The following RGS5 variants were observed in gnomAD, a reference collection of about 807,000 sequenced individuals.
The protein encoded by RGS5 is regulator of G protein signaling 5, also known as regulator of G-protein signalling 5.
In RGS5, 20 loss-of-function variants were observed where a neutral mutation model predicts 18.9. That is an observed-to-expected ratio of 1.06 (90% CI 0.74 to 1.54). The LOEUF (loss-of-function observed/expected upper bound fraction) is 1.54. RGS5 is among the 40% of genes most tolerant of loss of function. The pLI is 0.00. For missense variants in RGS5, 201 were observed against 211.8 expected (o/e 0.95, Z 0.32); for synonymous variants, 57 against 76.2 (o/e 0.75, Z 1.31).
chr1:163,162,504 TC>T (rs1657846836), intron 2 of RGS5, among the ~76,000 whole-genome samples: 1 of 151,768 alleles, frequency 6.6e-6, no homozygotes, highest in African/African-American at 2.4e-5. Context: ...GGGATTGTGA[TC>T]ATAGCAAATT....
chr1:163,299,552 A>C (rs536464078), intron 2 of RGS5, among the ~76,000 whole-genome samples: 1 of 152,322 alleles, frequency 6.6e-6, no homozygotes, highest in East Asian at 1.9e-4. Flanking sequence ...ATGTCAACAC[A>C]GGGTTATTAT....
At chr1:163,206,139 G>A (rs566936140), upstream of RGS5, among the ~76,000 whole-genome samples, 2 of 152,134 alleles carry the variant, frequency 1.3e-5, no homozygotes, top group African/African-American at 4.8e-5. Flanking sequence ...TTGCTTCCCT[G>A]CCTTTTTTTA....
chr1:163,272,244 G>A (rs181064024), intron 2 of RGS5, among the ~76,000 whole-genome samples: 34 of 151,716 alleles, frequency 2.2e-4, no homozygotes, highest in Non-Finnish European at 4.3e-4. Context: ...CCTACCTTTT[G>A]CCTATGTTTT....
chr1:163,298,509 T>C (rs1156527761), intron 2 of RGS5, among the ~76,000 whole-genome samples: 1 of 152,006 alleles, frequency 6.6e-6, no homozygotes, highest in Non-Finnish European at 1.5e-5. Flanking sequence ...TCGGGGGTGG[T>C]GTCTATACAA....
chr1:163,164,395 T>G (rs12069605), intron 2 of RGS5, among the ~76,000 whole-genome samples: 29,656 of 152,042 alleles, frequency 0.2, 4,558 homozygotes, highest in African/African-American at 0.43. Context: ...TAGAGATGAT[T>G]AACCACATGT....
chr1:163,275,149 A>C (rs917529381), intron 2 of RGS5, among the ~76,000 whole-genome samples: 71 of 152,070 alleles, frequency 4.7e-4, no homozygotes, highest in African/African-American at 1.6e-3. Flanking sequence ...GGCTGTTCTC[A>C]AGTCTTCTCT....
chr1:163,245,849 ATCT>A (rs1389653116), intron 2 of RGS5, among the ~76,000 whole-genome samples: 1 of 152,224 alleles, frequency 6.6e-6, no homozygotes, highest in East Asian at 1.9e-4. Flanking sequence ...AGGTATAATA[ATCT>A]TCTTCAGATA....
At chr1:163,284,995 T>C (rs12096677) in intron 2 of RGS5, among the ~76,000 whole-genome samples, 78,875 of 151,778 alleles carry the variant, frequency 0.52, 20,869 homozygotes, top group African/African-American at 0.59. Context: ...TGGTAGCAGG[T>C]AAGAAAGAAT....
At chr1:163,241,098 A>T (rs1647780835) in intron 2 of RGS5, among the ~76,000 whole-genome samples, 1 of 152,134 alleles carries the variant, frequency 6.6e-6, no homozygotes, top group Non-Finnish European at 1.5e-5. Context: ...CTCTCTCTGA[A>T]ATTCTGTTAT....
chr1:163,276,378 G>T (rs1042041704), intron 2 of RGS5, among the ~76,000 whole-genome samples: 5 of 152,102 alleles, frequency 3.3e-5, no homozygotes, highest in Non-Finnish European at 7.3e-5. Flanking sequence ...AGAGGATAAA[G>T]ATACTCATGA....
intron 1 of RGS5, among the ~76,000 whole-genome samples, chr1:163,208,518 TA>T (rs55700806): frequency 0.016 from 232 of 14,432 alleles, 2 homozygotes; most frequent in African/African-American, 0.06. Flanking sequence ...CCACCTCCAT[TA>T]AAAAAAAAAA....
chr1:163,221,219 CG>C (rs1647221283), upstream of RGS5, among the ~76,000 whole-genome samples: 1 of 152,036 alleles, frequency 6.6e-6, no homozygotes, highest in South Asian at 2.1e-4. Context: ...CTGTAGAGAC[CG>C]GGCGCGGTGG....
chr1:163,195,817 T>C (rs184250606), intron 1 of RGS5, among the ~76,000 whole-genome samples: 3 of 152,194 alleles, frequency 2.0e-5, no homozygotes, highest in East Asian at 1.9e-4. Context: ...AAAATAATTG[T>C]TTAATAGGGG....
At position 163,190,292 on chromosome 1, in the gene RGS5, A is replaced by T. The variant is rs192607592; in HGVS notation, c.44+12500T>A. Among the ~76,000 whole-genome samples, 234 of 152,264 alleles carry T rather than the reference A, an allele frequency of 1.5e-3. 1 individual carries two copies. The highest frequency in any genetic ancestry group is 4.9e-3 in the African/African-American group (204 of 41,570). ...AACTATGAGGATTTTGGACTAGAGA[A>T]TTTCCATTTGAGGGTCAATTATTAG... On this transcript the variant is annotated intron_variant, in intron 1 of 4. Coordinates refer to ENST00000313961, the MANE Select transcript of RGS5 (RefSeq NM_003617.4).
At chr1:163,286,581 T>C (rs954611082) in intron 2 of RGS5, among the ~76,000 whole-genome samples, 2 of 152,078 alleles carry the variant, frequency 1.3e-5, no homozygotes, top group Admixed American at 6.5e-5. Context: ...TTGTTTCTTG[T>C]TTTATTTTAT....
At chr1:163,204,309 CCACACACACACACA>C (rs10616125), upstream of RGS5, among the ~76,000 whole-genome samples, 4 of 145,090 alleles carry the variant, frequency 2.8e-5, no homozygotes, top group East Asian at 4.1e-4. Context: ...TGGCTCTAAA[CCACACACACACACA>C]CACACACACA....
intron 2 of RGS5, among the ~76,000 whole-genome samples, chr1:163,223,691 T>C (rs1460828731): frequency 2.0e-5 from 3 of 152,298 alleles, no homozygotes; most frequent in Admixed American, 2.0e-4. Context: ...GAAGAACTCA[T>C]CAATAAATTA....
chr1:163,154,996 C>T (rs904314804), intron 3 of RGS5, among the ~76,000 whole-genome samples: 14 of 151,776 alleles, frequency 9.2e-5, no homozygotes, highest in African/African-American at 3.4e-4. Context: ...TGTATATGTC[C>T]ATTGTTTCTT....
chr1:163,265,158 C>T (rs970038791), intron 2 of RGS5, among the ~76,000 whole-genome samples: 4 of 152,106 alleles, frequency 2.6e-5, no homozygotes, highest in African/African-American at 9.7e-5. Flanking sequence ...AGTTTCCTTA[C>T]ACTTTGTAAA....
Sources: allele counts gnomAD v4.1 joint callset (sites outside exome capture counted in the v4.1 genomes callset), GRCh38; gene constraint gnomAD v4.1.1; transcripts MANE v1.5; gene names NCBI Gene and HGNC (gene_info 2026-07-23, HGNC 2026-07-21).